Variants in POLR2F observed in about 807,000 individuals in gnomAD.
POLR2F encodes RNA polymerase II, I and III subunit F.
In POLR2F, 12 loss-of-function variants were observed where a neutral mutation model predicts 22.7. The ratio of observed to expected loss-of-function variants is 0.53; its 90% CI spans 0.34 to 0.86. The LOEUF is 0.86. Ranked by LOEUF, POLR2F falls within the 40% of genes least tolerant of loss-of-function variation. The probability of loss-of-function intolerance (pLI) is 0.02; values close to 1 mark genes in which losing one functional copy is unlikely to be tolerated. For synonymous variants in POLR2F, 57 were observed against 66.0 expected (o/e 0.86, Z 0.66); for missense variants, 126 against 171.5 (o/e 0.73, Z 1.48).
At chr22:37,959,961 G>A (rs1931562516) in intron 3 of POLR2F, among the ~76,000 whole-genome samples, 1 of 105,688 alleles carries the variant, frequency 9.5e-6, no homozygotes, top group South Asian at 3.1e-4. Context: ...GTGCCACCAT[G>A]CCTAACTAAT....
At chr22:38,025,906 G>A (rs746502007) in exon 2 of POLR2F, 1 of 772,510 alleles carries the variant, frequency 1.3e-6, no homozygotes, top group Admixed American at 1.8e-5. Flanking sequence ...TCTTCTACAT[G>A]GGATGGACTC....
intron 5 of POLR2F, among the ~76,000 whole-genome samples, chr22:38,037,982 T>A (rs2085132778): frequency 6.6e-6 from 1 of 152,022 alleles, no homozygotes; most frequent in African/African-American, 2.4e-5. Context: ...GCAAGGGTCA[T>A]CAAGTCAGCG....
chr22:38,010,686 G>T (rs974390971), intron 1 of POLR2F, among the ~76,000 whole-genome samples: 13 of 130,878 alleles, frequency 9.9e-5, no homozygotes, highest in African/African-American at 3.8e-4. Flanking sequence ...GCGCGATCTC[G>T]GCTCACTGCA....
chr22:38,034,401 C>T (rs565307464), intron 5 of POLR2F, among the ~76,000 whole-genome samples: 2 of 152,198 alleles, frequency 1.3e-5, no homozygotes, highest in East Asian at 1.9e-4. Context: ...GGCCACGTGG[C>T]GGCAGGCAGG....
At chr22:38,025,878 C>T (rs754823302) in exon 2 of POLR2F, 9 of 902,706 alleles carry the variant, frequency 1.0e-5, no homozygotes, top group African/African-American at 6.6e-5. Context: ...GGGCTGGGAC[C>T]GTCTCTTCTC....
downstream of POLR2F, chr22:38,041,270 T>C: frequency 3.2e-6 from 3 of 927,682 alleles, no homozygotes; most frequent in Non-Finnish European, 4.9e-6. Flanking sequence ...GGGAGGGAGG[T>C]TTCCAGGACA....
rs544079383 is a variant in POLR2F at position 37,996,688 on chromosome 22, G to C, written c.120+10376G>C. On this transcript the variant is annotated intron_variant, in intron 1 of 2. Transcript: ENST00000333418. The stretch of plus-strand genomic sequence containing the variant: ...CTGGGAGGCCTCACTGAAAGGCTGG[G>C]CTCTGTCAGTAATTGCTGTGTGACC... Among the ~76,000 whole-genome samples the C allele has an allele frequency of 3.8e-4, 58 of 152,282 alleles. No homozygotes were observed. The South Asian group carries it at 0.012, about 31-fold the overall frequency.
Position 38,007,706 on chromosome 22 carries a change from C to T in POLR2F, c.121-18163C>T, listed in dbSNP as rs58384326. Among the ~76,000 whole-genome samples, 1,489 of 152,348 alleles carry T rather than the reference C, an allele frequency of 9.8e-3. 28 individuals carry two copies. The highest frequency in any genetic ancestry group is 0.035 in the African/African-American group (1,444 of 41,580). On this transcript the variant is annotated intron_variant, in intron 1 of 2. Coordinates refer to the POLR2F transcript ENST00000333418. ...CCTGGGCCCATCAGCAGCAGCAGGC[C>T]TTCCGCAAAGACTTGCTGAATTAAC...
At chr22:37,961,121 G>T (rs139870) in intron 3 of POLR2F, among the ~76,000 whole-genome samples, 104,260 of 151,874 alleles carry the variant, frequency 0.69, 36,450 homozygotes, top group African/African-American at 0.83. Flanking sequence ...AGTACTGGGA[G>T]TACAGGCATG....
chr22:37,954,835 T>TG (rs1466787644), intron 1 of POLR2F, among the ~76,000 whole-genome samples: 1 of 152,110 alleles, frequency 6.6e-6, no homozygotes, highest in African/African-American at 2.4e-5. Context: ...AGATGACCCG[T>TG]GGCTGAGCAT....
intron 1 of POLR2F, among the ~76,000 whole-genome samples, chr22:37,998,798 A>G (rs1331021862): frequency 6.6e-6 from 1 of 151,808 alleles, no homozygotes; most frequent in African/African-American, 2.4e-5. Flanking sequence ...TCAAGCACTG[A>G]TCGACTCCCA....
rs577138667 is a variant in POLR2F at position 37,999,935 on chromosome 22, G to A, written c.120+13623G>A. Among the ~76,000 whole-genome samples the A allele has an allele frequency of 2.0e-5, 3 of 152,318 alleles. No individual in the cohort carries two copies. The East Asian group carries it at 5.8e-4, about 29-fold the overall frequency. On this transcript the variant is annotated intron_variant, in intron 1 of 2. Transcript: ENST00000333418. ...CTACCCTTGGGCTGGAAGGCACACT[G>A]TGCACACCATTTGACTGCCTGGATC...
chr22:38,012,746 G>T (rs1416310264), intron 1 of POLR2F, among the ~76,000 whole-genome samples: 1 of 152,132 alleles, frequency 6.6e-6, no homozygotes, highest in African/African-American at 2.4e-5. Context: ...TACAAGTCAG[G>T]CATTTTGTAC....
chr22:37,961,266 C>A (rs188657325), intron 3 of POLR2F, among the ~76,000 whole-genome samples: 8 of 152,248 alleles, frequency 5.3e-5, no homozygotes, highest in African/African-American at 1.4e-4. Flanking sequence ...CTATGTTGCC[C>A]AGGCTGGTCT....
At chr22:37,987,978 A>T (rs1601891251) in intron 1 of POLR2F, 1 of 152,418 alleles carries the variant, frequency 6.6e-6, no homozygotes, top group Non-Finnish European at 1.5e-5. Flanking sequence ...GTTGCCTAGG[A>T]CTGGCTCTAA....
At chr22:38,020,831 T>C (rs7287061) in intron 1 of POLR2F, among the ~76,000 whole-genome samples, 5,305 of 152,078 alleles carry the variant, frequency 0.035, 298 homozygotes, top group African/African-American at 0.12. Flanking sequence ...CTCGTTGCCA[T>C]GGTTTTCTTG....
chr22:37,993,814 C>T (rs1481609101), intron 1 of POLR2F, among the ~76,000 whole-genome samples: 11 of 152,092 alleles, frequency 7.2e-5, no homozygotes, highest in Admixed American at 7.2e-4. Flanking sequence ...ATGATGAAAC[C>T]CCGTCTCTAC....
intron 1 of POLR2F, among the ~76,000 whole-genome samples, chr22:37,993,869 G>A (rs2084685103): frequency 6.6e-6 from 1 of 152,116 alleles, no homozygotes; most frequent in African/African-American, 2.4e-5. Flanking sequence ...GGCGCCTGTA[G>A]TCCCAGCTAC....
chr22:37,969,614 C>T (rs575703440), downstream of POLR2F, among the ~76,000 whole-genome samples: 5 of 152,262 alleles, frequency 3.3e-5, no homozygotes, highest in South Asian at 2.1e-4. Context: ...CCTCATCCCA[C>T]GGCGAGCAGG....
Sources: allele counts gnomAD v4.1 joint callset (sites outside exome capture counted in the v4.1 genomes callset), GRCh38; gene constraint gnomAD v4.1.1; transcripts MANE v1.5; gene names NCBI Gene and HGNC (gene_info 2026-07-23, HGNC 2026-07-21).